Variants in RUFY1 observed in about 807,000 individuals in gnomAD.
RUFY1 encodes the protein RUN and FYVE domain-containing protein 1.
RUFY1 carries 54 observed loss-of-function variants against 94.6 expected under a neutral mutation model. The observed-to-expected ratio is 0.57, with a 90% CI of 0.46 to 0.72. The LOEUF (loss-of-function observed/expected upper bound fraction) is 0.72, where lower values mean the gene tolerates loss of function less well. Among genes scored for constraint, RUFY1 ranks in the 30% least tolerant of loss-of-function variants. The pLI is 0.00. For missense variants in RUFY1, 883 were observed against 883.9 expected (o/e 1.00, Z 0.01); for synonymous variants, 396 against 347.3 (o/e 1.14, Z -1.56).
intron 2 of RUFY1, among the ~76,000 whole-genome samples, chr5:179,561,678 CTTTTTT>C (rs71001004): frequency 7.3e-4 from 47 of 64,600 alleles, no homozygotes; most frequent in African/African-American, 2.6e-3. Flanking sequence ...TTTTTTCTTT[CTTTTTT>C]TTTTTTTTTT....
chr5:179,595,094 AC>A, intron 12 of RUFY1, 131 bp downstream of exon 12: 1 of 627,214 alleles, frequency 1.6e-6, no homozygotes, highest in Non-Finnish European at 2.8e-6. Flanking sequence ...TGTAATCCCA[AC>A]ACTTTGGGAG....
Position 179,609,593 on chromosome 5 carries a change from TTCTTTCCCAAGAGTA to T in RUFY1, c.*77_*91del. 7.3e-7 allele frequency: 1 copy of T among 1,362,862 alleles called. No homozygotes were observed. The highest frequency in any genetic ancestry group is 1.4e-5 in the South Asian group (1 of 70,504). 84.4% of individuals were successfully genotyped at this position (1,362,862 alleles called of 1,614,324 possible). On this transcript the variant is annotated 3_prime_UTR_variant, in exon 18 of 18. Transcript: ENST00000319449. Reference sequence around the variant, plus strand: ...GGTCTCCAGGGGCTTGGGAAATGTGTTCTTTCCCAAGAGTATCAAAGGAAAGAATCAAATTTCTTG... The same window carrying T: ...GGTCTCCAGGGGCTTGGGAAATGTGTTCAAAGGAAAGAATCAAATTTCTTG...
chr5:179,551,164 G>T (rs1377512114), intron 1 of RUFY1, among the ~76,000 whole-genome samples: 1 of 152,220 alleles, frequency 6.6e-6, no homozygotes, highest in Non-Finnish European at 1.5e-5. Context: ...TCGGAACTCT[G>T]TAGTAACTCC....
intron 7 of RUFY1, among the ~76,000 whole-genome samples, chr5:179,583,184 C>A (rs1456397434): frequency 6.6e-6 from 1 of 151,506 alleles, no homozygotes; most frequent in Non-Finnish European, 1.5e-5. Flanking sequence ...CATCTGTAGT[C>A]CCAGCTGCTC....
At chr5:179,565,096 A>G (rs541572772) in intron 3 of RUFY1, among the ~76,000 whole-genome samples, 1 of 148,222 alleles carries the variant, frequency 6.7e-6, no homozygotes, top group African/African-American at 2.5e-5. Context: ...ATTAGTGTAT[A>G]GGGGAGGGGG....
chr5:179,581,833 C>T (rs1045947769), intron 7 of RUFY1, among the ~76,000 whole-genome samples: 7 of 151,930 alleles, frequency 4.6e-5, no homozygotes, highest in South Asian at 2.1e-4. Context: ...TACAAGCACA[C>T]GTCACCCCTC....
intron 10 of RUFY1, among the ~76,000 whole-genome samples, 169 bp from the exon 11 acceptor site, chr5:179,593,309 C>T (rs1765262892): frequency 1.3e-5 from 2 of 151,838 alleles, no homozygotes; most frequent in South Asian, 4.2e-4. Context: ...AACTCCTGGC[C>T]TCAAGTGATC....
intron 13 of RUFY1, chr5:179,598,321 C>G (rs1174124557): frequency 9.9e-6 from 2 of 203,028 alleles, no homozygotes; most frequent in Non-Finnish European, 1.0e-5. Flanking sequence ...TGAGGTTGCG[C>G]CACTGCACTC....
chr5:179,582,831 G>A (rs985269645), intron 7 of RUFY1, among the ~76,000 whole-genome samples: 10 of 151,614 alleles, frequency 6.6e-5, no homozygotes, highest in South Asian at 4.2e-4. Flanking sequence ...CAACAAGAGC[G>A]AAACTCCATC....
Position 179,562,677 on chromosome 5 carries a change from T to A in RUFY1, c.602+13T>A, listed in dbSNP as rs374310918. The A allele has an allele frequency of 1.5e-6, 2 of 1,298,726 alleles. No individual in the cohort carries two copies. Among genetic ancestry groups the A allele is most frequent in the Non-Finnish European group, 2.2e-6 (2 of 898,386 alleles). The allele number at this position is 1,298,726 out of a possible 1,614,324, so 80.5% of individuals were successfully genotyped here. Reference sequence around the variant, plus strand: ...TTCCAGAATTAAAGTGAGTGAGAAGTAGTTCTGCCAATTTGATGATTTTAA... The same window carrying A: ...TTCCAGAATTAAAGTGAGTGAGAAGAAGTTCTGCCAATTTGATGATTTTAA... On this transcript the variant is annotated intron_variant, in intron 3 of 17. Coordinates refer to ENST00000319449, the MANE Select transcript of RUFY1 (RefSeq NM_025158.5).
intron 1 of RUFY1, among the ~76,000 whole-genome samples, chr5:179,557,596 A>G (rs1238534876): frequency 6.6e-6 from 1 of 152,126 alleles, no homozygotes; most frequent in Admixed American, 6.5e-5. Context: ...TTAGTTTATC[A>G]TGTATTTCAA....
intron 17 of RUFY1, chr5:179,608,191 A>T: frequency 3.6e-6 from 2 of 553,120 alleles, no homozygotes; most frequent in Non-Finnish European, 4.6e-6. Flanking sequence ...GTAGGGGAAG[A>T]GTTGGGTATA....
chr5:179,574,525 C>T (rs1300333566), intron 5 of RUFY1, among the ~76,000 whole-genome samples: 1 of 152,226 alleles, frequency 6.6e-6, no homozygotes, highest in Non-Finnish European at 1.5e-5. Flanking sequence ...ATGACCACTT[C>T]ACCCTTATGC....
Position 179,609,510 on chromosome 5 carries a change from G to T in RUFY1, c.2118G>T (p.Thr706=). 4 of 1,603,706 alleles carry T rather than the reference G, an allele frequency of 2.5e-6. No homozygotes were observed. Among genetic ancestry groups the T allele is most frequent in the Non-Finnish European group, 1.7e-6 (2 of 1,178,024 alleles). Reference sequence around the variant, plus strand: ...TGCTCCTGCAGCGCTGCTCCTCCACGGCCTCCTGAACGTCCGTCCTCAGGA... The same window carrying T: ...TGCTCCTGCAGCGCTGCTCCTCCACTGCCTCCTGAACGTCCGTCCTCAGGA... ...HTLLLQRCSS[T]AS Residue 706 remains threonine (T), a synonymous_variant, in exon 18 of 18, where the codon ACG becomes ACT. Coordinates refer to ENST00000319449, the MANE Select transcript of RUFY1 (RefSeq NM_025158.5).
At chr5:179,587,689 T>C (rs1176825212) in intron 8 of RUFY1, among the ~76,000 whole-genome samples, 2 of 150,292 alleles carry the variant, frequency 1.3e-5, no homozygotes, top group Non-Finnish European at 3.0e-5. Context: ...CATGAGCCAC[T>C]GCACCCAGCC....
chr5:179,601,784 A>G, intron 14 of RUFY1, 108 bp from the exon 15 acceptor site: 2 of 804,140 alleles, frequency 2.5e-6, no homozygotes, highest in Admixed American at 2.4e-5. Flanking sequence ...GTGCCACTGC[A>G]CTCCAGCCTG....
rs781654060 is a variant in RUFY1, at chr5:179,561,220, TAAA to T, written c.484+1023_484+1025del. The stretch of plus-strand genomic sequence containing the variant: ...GGTGAGATTCCATCTCAAAAATAAA[TAAA>T]TAAATAAATTAATTAATTAATTAAA... On this transcript the variant is annotated intron_variant, in intron 2 of 17. Coordinates refer to ENST00000319449, the MANE Select transcript of RUFY1 (RefSeq NM_025158.5). Among the ~76,000 whole-genome samples, 513 of 139,472 alleles carry T rather than the reference TAAA, an allele frequency of 3.7e-3. 4 individuals carry two copies. Among genetic ancestry groups the T allele is most frequent in the South Asian group, 0.026 (116 of 4,390 alleles). 91.5% of individuals were successfully genotyped at this position (139,472 alleles called of 152,430 possible). A position where few individuals can be genotyped will look rare whatever the true frequency, so the allele number is the denominator to read the frequency against.
intron 14 of RUFY1, chr5:179,600,024 G>A (rs955561355): frequency 6.6e-6 from 1 of 152,254 alleles, no homozygotes; most frequent in Non-Finnish European, 1.5e-5. Context: ...GGAGGAAGTG[G>A]AGGGCAGAAG....
At position 179,608,466 on chromosome 5, in the gene RUFY1, G is replaced by A. The variant is rs1040358753; in HGVS notation, c.1983+807G>A. 34 of 985,388 alleles carry A rather than the reference G, an allele frequency of 3.5e-5. No individual in the cohort carries two copies. In the African/African-American group the frequency reaches 5.8e-4, roughly 17 times the overall value. 61.0% of individuals were successfully genotyped at this position (985,388 alleles called of 1,614,324 possible). A position where few individuals can be genotyped will look rare whatever the true frequency, so the allele number is the denominator to read the frequency against. ...GGAGTCAGAAGCAGAGGCTGCACAG[G>A]TGCTCATCTTGATGTCTTATCAGGC... On this transcript the variant is annotated intron_variant, in intron 17 of 17. Coordinates refer to ENST00000319449, the MANE Select transcript of RUFY1 (RefSeq NM_025158.5).
Sources: gnomAD v4.1 joint callset for allele counts (sites outside exome capture counted in the v4.1 genomes callset) on GRCh38, gnomAD v4.1.1 for gene constraint, MANE v1.5 for transcripts, NCBI Gene and HGNC (gene_info 2026-07-23, HGNC 2026-07-21) for gene names.